Variants in PCDHGA3 observed in about 807,000 individuals in gnomAD.
The protein encoded by PCDHGA3 is protocadherin gamma subfamily A, 3, also known as protocadherin gamma-A3.
Under a neutral mutation model 58.5 loss-of-function variants are expected in PCDHGA3, and 40 were observed. The ratio of observed to expected loss-of-function variants is 0.68; its 90% CI spans 0.53 to 0.89. PCDHGA3 has a LOEUF of 0.89. PCDHGA3 is among the 40% of genes least tolerant of loss of function. The pLI is 0.00. For missense variants in PCDHGA3, 1,223 were observed against 1,195.9 expected, an observed-to-expected ratio of 1.02 and a Z score of -0.33; for synonymous variants, 530 against 525.7, an observed-to-expected ratio of 1.01 and a Z score of -0.11.
chr5:141,492,602 C>G (rs1352851783), intron 1 of PCDHGA3, among the ~76,000 whole-genome samples: 2 of 152,222 alleles, frequency 1.3e-5, no homozygotes, highest in Non-Finnish European at 2.9e-5. Flanking sequence ...GAGCGACTGC[C>G]GCTCTAAGTG....
At chr5:141,359,102 A>G (rs1459397500) in intron 1 of PCDHGA3, among the ~76,000 whole-genome samples, 6 of 152,232 alleles carry the variant, frequency 3.9e-5, no homozygotes, top group Non-Finnish European at 8.8e-5. Context: ...ATGGTTTTGT[A>G]TTCATAGAAA....
intron 1 of PCDHGA3, chr5:141,361,921 G>A (rs1392187094): frequency 3.7e-6 from 6 of 1,607,600 alleles, no homozygotes; most frequent in Non-Finnish European, 5.1e-6. Flanking sequence ...GGCGGTGGAC[G>A]CAGACTCAGG....
intron 1 of PCDHGA3, chr5:141,366,482 C>A: frequency 6.2e-7 from 1 of 1,614,242 alleles, no homozygotes; most frequent in Non-Finnish European, 8.5e-7. Flanking sequence ...CAGACTGAGG[C>A]GCTGGCACAA....
chr5:141,489,271 G>A lies in PCDHGA3; in HGVS notation c.2425-5536G>A, dbSNP rs1431562179. The A allele has an allele frequency of 2.4e-5, 37 of 1,554,676 alleles. No individual in the cohort carries two copies. The highest frequency in any genetic ancestry group is 3.0e-5 in the Non-Finnish European group (35 of 1,150,770). ...GCCCAAGACACTCCCACAGCTCGCT[G>A]GGAAATGGCAAGTGCTGTGCATGTT... On this transcript the variant is annotated intron_variant, in intron 1 of 3. Transcript: ENST00000253812. The surrounding 1 kb of genome is among the most constrained non-coding windows in gnomAD (Gnocchi z 4.5).
intron 1 of PCDHGA3, among the ~76,000 whole-genome samples, chr5:141,474,405 GT>G (rs2099348889): frequency 6.6e-6 from 1 of 152,196 alleles, no homozygotes; most frequent in African/African-American, 2.4e-5. Flanking sequence ...AAGCTCCCCG[GT>G]GATGCCTAGA....
rs762138055 is a variant in PCDHGA3, at chr5:141,490,757, T to C, written c.2425-4050T>C. 6.2e-7 allele frequency: 1 copy of C among 1,613,918 alleles called. No homozygotes were observed. The highest frequency in any genetic ancestry group is 2.2e-5 in the East Asian group (1 of 44,892). On this transcript the variant is annotated intron_variant, in intron 1 of 3. Coordinates refer to ENST00000253812, the MANE Select transcript of PCDHGA3 (RefSeq NM_018916.4). The surrounding 1 kb of genome is among the most constrained non-coding windows in gnomAD (Gnocchi z 5.4). ...GTTCAGGGAGCCCCAGCCTCCTCCT[T>C]TGTGTATGTCAACCCAGAGGATGGA...
intron 1 of PCDHGA3, chr5:141,371,092 C>T (rs1348283879): frequency 6.2e-7 from 1 of 1,613,802 alleles, no homozygotes. Context: ...GTAATTGTCG[C>T]AGATGCAAAT....
chr5:141,348,111 A>G (rs892929512), intron 1 of PCDHGA3, among the ~76,000 whole-genome samples: 1 of 152,254 alleles, frequency 6.6e-6, no homozygotes, highest in Non-Finnish European at 1.5e-5. Context: ...TCTGCAATTT[A>G]TGAAATTATT....
chr5:141,483,166 A>G (rs1288499520), intron 1 of PCDHGA3, among the ~76,000 whole-genome samples: 1 of 152,138 alleles, frequency 6.6e-6, no homozygotes, highest in Non-Finnish European at 1.5e-5. Flanking sequence ...ATCCTGAGTT[A>G]CCTTTGGGCC....
chr5:141,371,202 G>A, intron 1 of PCDHGA3: 2 of 1,614,036 alleles, frequency 1.2e-6, no homozygotes, highest in Non-Finnish European at 1.7e-6. Flanking sequence ...CATTGACATG[G>A]ATGAGGGCAT....
chr5:141,348,105 C>T (rs1302310660), intron 1 of PCDHGA3, among the ~76,000 whole-genome samples: 1 of 152,210 alleles, frequency 6.6e-6, no homozygotes, highest in East Asian at 1.9e-4. Flanking sequence ...GCTTATTCTG[C>T]AATTTATGAA....
rs773499765 is a variant in PCDHGA3 at position 141,489,626 on chromosome 5, A to T, written c.2425-5181A>T. 6.2e-6 allele frequency: 10 copies of T among 1,613,568 alleles called. No individual in the cohort carries two copies. In the South Asian group the frequency reaches 9.9e-5, roughly 16 times the overall value. On this transcript the variant is annotated intron_variant, in intron 1 of 3. Coordinates refer to ENST00000253812, the MANE Select transcript of PCDHGA3 (RefSeq NM_018916.4). The surrounding 1 kb of genome is among the most constrained non-coding windows in gnomAD (Gnocchi z 4.5). The stretch of plus-strand genomic sequence containing the variant: ...GTAGAGATCCTGGATCTCAATGACA[A>T]CTCTCCTAGCTTTGCCACCCCTGAG...
Position 141,490,710 on chromosome 5 carries a change from C to G in PCDHGA3, c.2425-4097C>G, listed in dbSNP as rs1158575765. On this transcript the variant is annotated intron_variant, in intron 1 of 3. Coordinates refer to ENST00000253812, the MANE Select transcript of PCDHGA3 (RefSeq NM_018916.4). The surrounding 1 kb of genome is among the most constrained non-coding windows in gnomAD (Gnocchi z 5.4). ...ACACTGGGGATAATGCCCGCCTCAC[C>G]TACTCCATTGTAGGAAATCAGGTTC... 6.2e-7 allele frequency: 1 copy of G among 1,614,208 alleles called. No homozygotes were observed. The highest frequency in any genetic ancestry group is 8.5e-7 in the Non-Finnish European group (1 of 1,180,030).
chr5:141,364,408 A>G (rs573254227), intron 1 of PCDHGA3: 30 of 1,610,674 alleles, frequency 1.9e-5, no homozygotes, highest in Non-Finnish European at 2.4e-5. Flanking sequence ...TGTGCGAGCC[A>G]GGATCCGGGC....
At chr5:141,440,983 G>A (rs2154559140) in intron 1 of PCDHGA3, 1 of 152,314 alleles carries the variant, frequency 6.6e-6, no homozygotes, top group South Asian at 2.1e-4. Flanking sequence ...TCACAACCCA[G>A]AGTACCCATA....
intron 1 of PCDHGA3, chr5:141,441,982 G>T: frequency 3.6e-6 from 1 of 277,096 alleles, no homozygotes; most frequent in South Asian, 3.6e-5. Flanking sequence ...CCTGGAATGC[G>T]CACCGACGAG....
intron 1 of PCDHGA3, chr5:141,433,042 G>A (rs752612411): frequency 6.2e-6 from 10 of 1,614,142 alleles, no homozygotes; most frequent in Non-Finnish European, 7.6e-6. Flanking sequence ...CCCTCACCAC[G>A]GACTCGCGGA....
intron 1 of PCDHGA3, chr5:141,419,779 GC>G: frequency 1.2e-6 from 2 of 1,614,064 alleles, no homozygotes; most frequent in African/African-American, 2.7e-5. Context: ...CGGTCCGCCA[GC>G]GCCTGCTAGT....
At chr5:141,440,472 A>C (rs913774913) in intron 1 of PCDHGA3, 6 of 152,322 alleles carry the variant, frequency 3.9e-5, no homozygotes, top group Admixed American at 3.9e-4. Flanking sequence ...ACGGTAGTTG[A>C]AAATTCTTTA....
Sources: allele counts gnomAD v4.1 joint callset (sites outside exome capture counted in the v4.1 genomes callset), GRCh38; gene constraint gnomAD v4.1.1; non-coding constraint Gnocchi (gnomAD v3.1); transcripts MANE v1.5; gene names NCBI Gene and HGNC (gene_info 2026-07-23, HGNC 2026-07-21).